PCDH7: variants seen among roughly 807,000 people sequenced by gnomAD.
PCDH7 encodes the protein protocadherin 7, also known as protocadherin-7.
Under a neutral mutation model 58.9 loss-of-function variants are expected in PCDH7, and 17 were observed. That is an observed-to-expected ratio of 0.29 (90% CI 0.20 to 0.43). PCDH7 has a LOEUF of 0.43. Ranked by LOEUF, PCDH7 falls within the 20% of genes least tolerant of loss-of-function variation. The probability of loss-of-function intolerance (pLI) is 1.00; values close to 1 mark genes in which losing one functional copy is unlikely to be tolerated. For missense variants in PCDH7, 1,274 were observed against 1,441.0 expected (o/e 0.88, Z 1.88); for synonymous variants, 664 against 616.4 (o/e 1.08, Z -1.14).
At chr4:30,972,950 T>C (rs1163257353) in intron 3 of PCDH7, among the ~76,000 whole-genome samples, 1 of 152,236 alleles carries the variant, frequency 6.6e-6, no homozygotes, top group Non-Finnish European at 1.5e-5. Flanking sequence ...TGACTGTTTC[T>C]TGAACACTTC....
At chr4:31,105,335 G>A (rs866633347) in intron 3 of PCDH7, among the ~76,000 whole-genome samples, 2 of 152,048 alleles carry the variant, frequency 1.3e-5, no homozygotes, top group Non-Finnish European at 2.9e-5. Flanking sequence ...TTAACATAAT[G>A]CATGTGAATG....
At chr4:31,031,586 T>C (rs968181088) in intron 3 of PCDH7, among the ~76,000 whole-genome samples, 4 of 152,238 alleles carry the variant, frequency 2.6e-5, no homozygotes, top group Non-Finnish European at 2.9e-5. Flanking sequence ...TTGTATTTTC[T>C]TATTTGTTGG....
Position 30,722,229 on chromosome 4 carries a change from G to A in PCDH7, c.807G>A (p.Glu269=), listed in dbSNP as rs78773256. Residue 269 remains glutamate, a synonymous_variant, in exon 1 of 2, where the codon GAG becomes GAA. Coordinates refer to ENST00000361762, the Ensembl canonical transcript of PCDH7. This position sits in a 1 kb window ranked among gnomAD's most constrained non-coding sequence, Gnocchi z 7.6. ...TCGTGAAGGGGGCGCTGGACCGCGA[G>A]CAGCGCGACTCCTACGAGCTGACCC... The A allele has an allele frequency of 4.1e-3, 6,590 of 1,592,236 alleles. 218 individuals are homozygous for A. In the African/African-American group the frequency reaches 0.07, roughly 17 times the overall value.
rs1051966375 is a variant in PCDH7, at chr4:30,911,615, T to A, written c.71-8538T>A. Among the ~76,000 whole-genome samples, 6 of 152,286 alleles carry A rather than the reference T, an allele frequency of 3.9e-5. No homozygotes were observed. The South Asian group carries it at 1.0e-3, about 26-fold the overall frequency. On this transcript the variant is annotated intron_variant, in intron 1 of 3. Coordinates refer to the PCDH7 transcript ENST00000509759. ...AAATATAATATCTTTTTTAGAAGTT[T>A]TTAGAAAAACAATTGCCTACATTAA...
chr4:31,123,199 T>G (rs2109326327), intron 3 of PCDH7, among the ~76,000 whole-genome samples: 1 of 152,282 alleles, frequency 6.6e-6, no homozygotes, highest in East Asian at 1.9e-4. Context: ...TTTCATTTTC[T>G]TATTGGTAAA....
intron 2 of PCDH7, among the ~76,000 whole-genome samples, chr4:30,941,431 T>G (rs1746027440): frequency 6.6e-6 from 1 of 151,972 alleles, no homozygotes; most frequent in Non-Finnish European, 1.5e-5. Flanking sequence ...GAAGCGTTTT[T>G]GACAAAAGAA....
At chr4:30,849,877 G>T (rs1732484829) in intron 1 of PCDH7, among the ~76,000 whole-genome samples, 1 of 152,012 alleles carries the variant, frequency 6.6e-6, no homozygotes, top group Admixed American at 6.6e-5. Context: ...TGGGACTTAG[G>T]TCTATACTTT....
chr4:30,807,473 C>G (rs914741050), intron 1 of PCDH7, among the ~76,000 whole-genome samples: 1 of 152,122 alleles, frequency 6.6e-6, no homozygotes, highest in African/African-American at 2.4e-5. Context: ...TACTGTTTTA[C>G]GGTGACAGCA....
chr4:30,870,958 C>A (rs935198094), intron 1 of PCDH7, among the ~76,000 whole-genome samples: 1 of 152,088 alleles, frequency 6.6e-6, no homozygotes, highest in African/African-American at 2.4e-5. Flanking sequence ...CAATACTTAG[C>A]AGTTGTTTGG....
At chr4:30,747,796 A>T (rs1717966475) in intron 1 of PCDH7, among the ~76,000 whole-genome samples, 1 of 152,298 alleles carries the variant, frequency 6.6e-6, no homozygotes, top group South Asian at 2.1e-4. Flanking sequence ...TTAGGGATCG[A>T]TTGTTTTGCA....
At chr4:30,851,391 C>T (rs141500625) in intron 1 of PCDH7, among the ~76,000 whole-genome samples, 1 of 151,896 alleles carries the variant, frequency 6.6e-6, no homozygotes, top group East Asian at 1.9e-4. Context: ...TACCAGGCTC[C>T]CAAATCTATA....
chr4:31,128,761 G>T (rs1022250672), intron 3 of PCDH7, among the ~76,000 whole-genome samples: 2 of 152,106 alleles, frequency 1.3e-5, no homozygotes, highest in African/African-American at 4.8e-5. Flanking sequence ...TCCCTAGGCT[G>T]GGTTTGAAGA....
At chr4:30,920,251 A>G in exon 2 of PCDH7, 1 of 1,367,678 alleles carries the variant, frequency 7.3e-7, no homozygotes, top group Non-Finnish European at 9.8e-7. Context: ...AGGAGTCAGA[A>G]ACACCAAGCA....
At chr4:30,845,939 A>G (rs1731888495) in intron 1 of PCDH7, among the ~76,000 whole-genome samples, 1 of 152,114 alleles carries the variant, frequency 6.6e-6, no homozygotes, top group African/African-American at 2.4e-5. Context: ...TGATTAACTC[A>G]ATACTATGTA....
intron 3 of PCDH7, among the ~76,000 whole-genome samples, chr4:31,000,036 G>C (rs987325282): frequency 1.3e-5 from 2 of 152,018 alleles, no homozygotes; most frequent in Non-Finnish European, 2.9e-5. Flanking sequence ...TATAATGCAA[G>C]AATTCTATTG....
intron 1 of PCDH7, among the ~76,000 whole-genome samples, chr4:30,768,574 TA>T (rs1422505894): frequency 1.3e-5 from 2 of 152,208 alleles, no homozygotes; most frequent in Non-Finnish European, 2.9e-5. Context: ...ACTTAATAAA[TA>T]TTGTAACTTA....
intron 3 of PCDH7, among the ~76,000 whole-genome samples, chr4:31,034,568 C>T (rs1755227000): frequency 6.6e-6 from 1 of 152,114 alleles, no homozygotes; most frequent in Non-Finnish European, 1.5e-5. Context: ...AGATAAACAT[C>T]AGAATTTAGA....
chr4:30,787,818 G>A (rs893427237), intron 1 of PCDH7, among the ~76,000 whole-genome samples: 1 of 151,988 alleles, frequency 6.6e-6, no homozygotes, highest in Non-Finnish European at 1.5e-5. Context: ...TTAATGATTA[G>A]CATTTGCACT....
chr4:30,840,946 G>A (rs1158935853), intron 1 of PCDH7, among the ~76,000 whole-genome samples: 1 of 151,262 alleles, frequency 6.6e-6, no homozygotes, highest in Non-Finnish European at 1.5e-5. Context: ...AGGAAACACT[G>A]CCATGCATAA....
Sources: allele counts gnomAD v4.1 joint callset (sites outside exome capture counted in the v4.1 genomes callset), GRCh38; gene constraint gnomAD v4.1.1; non-coding constraint Gnocchi (gnomAD v3.1); transcripts MANE v1.5; gene names NCBI Gene and HGNC (gene_info 2026-07-23, HGNC 2026-07-21).